STXBP4: variants seen among roughly 807,000 people sequenced by gnomAD.
STXBP4 encodes the protein syntaxin binding protein 4, also known as syntaxin-binding protein 4.
STXBP4 carries 55 observed loss-of-function variants against 76.1 expected under a neutral mutation model. The ratio of observed to expected loss-of-function variants is 0.72; its 90% CI spans 0.58 to 0.91. STXBP4 has a LOEUF of 0.91. STXBP4 is among the 40% of genes least tolerant of loss of function. The pLI is 0.00. For synonymous variants in STXBP4, 201 were observed against 220.2 expected (o/e 0.91, Z 0.77); for missense variants, 618 against 636.9 (o/e 0.97, Z 0.32).
At chr17:55,195,107 T>G in the STXBP4 span, among the ~76,000 whole-genome samples, 1 of 152,204 alleles carries the variant, frequency 6.6e-6, no homozygotes, top group Non-Finnish European at 1.5e-5. Context: ...CTAGGTCACC[T>G]TATGGGTCAA....
rs145078423 is a variant in STXBP4, at chr17:55,100,416, G to A, written c.1489+19233G>A. On this transcript the variant is annotated intron_variant, in intron 16 of 17. Transcript: ENST00000376352. The stretch of plus-strand genomic sequence containing the variant: ...CTTATAGCCTCAATAAGGAAAAAGC[G>A]TGAAAGTACTCAAGTAAATCAAGGG... 3.2e-3 allele frequency among the ~76,000 whole-genome samples: 493 copies of A among 152,306 alleles called. 5 individuals carry two copies. Among genetic ancestry groups the A allele is most frequent in the African/African-American group, 0.011 (442 of 41,562 alleles).
intron 8 of STXBP4, among the ~76,000 whole-genome samples, chr17:55,013,600 G>T (rs1203051850): frequency 6.6e-6 from 1 of 152,246 alleles, no homozygotes; most frequent in Admixed American, 6.5e-5. Flanking sequence ...TGTGAGCAGA[G>T]CTGAGCCTTC....
Position 54,999,444 on chromosome 17 carries a change from A to T in STXBP4, c.280A>T (p.Lys94Ter). ...AGCAAAAAGCATAATTACCGGAGCC[A>T]AGTTGAGGTAACTATACTATCCATG... ...EEAKSIITGAKLRLESAWEIA... is the reference protein window; with the variant it reads ...EEAKSIITGA The change falls in exon 5 of 18, where the codon AAG (lysine) becomes TAG (stop). Residue 94 changes from lysine (K) to a stop codon, truncating the protein, a stop_gained. Transcript: ENST00000376352. LOFTEE classifies it high-confidence loss of function. 6.2e-7 allele frequency: 1 copy of T among 1,609,738 alleles called. No homozygotes were observed.
At chr17:55,035,026 A>G (rs1409974928) in intron 10 of STXBP4, among the ~76,000 whole-genome samples, 1 of 151,990 alleles carries the variant, frequency 6.6e-6, no homozygotes, top group Non-Finnish European at 1.5e-5. Context: ...TTCATTATGC[A>G]TGGCAAACCA....
chr17:55,077,762 G>A (rs2079201643), intron 13 of STXBP4, among the ~76,000 whole-genome samples: 1 of 148,766 alleles, frequency 6.7e-6, no homozygotes, highest in Non-Finnish European at 1.5e-5. Flanking sequence ...TAAATTAGTA[G>A]AGGTTTCTGT....
At chr17:55,192,761 G>C in the STXBP4 span, among the ~76,000 whole-genome samples, 1 of 152,162 alleles carries the variant, frequency 6.6e-6, no homozygotes, top group Non-Finnish European at 1.5e-5. Flanking sequence ...AAATTCTCAG[G>C]CTTAGAGAGA....
intron 12 of STXBP4, among the ~76,000 whole-genome samples, chr17:55,055,574 G>A (rs1427818761): frequency 6.6e-6 from 1 of 152,148 alleles, no homozygotes; most frequent in Non-Finnish European, 1.5e-5. Context: ...ACTGCACTTA[G>A]AACTCTCCAG....
At chr17:55,086,194 T>A (rs1480328330) in intron 16 of STXBP4, among the ~76,000 whole-genome samples, 1 of 152,164 alleles carries the variant, frequency 6.6e-6, no homozygotes, top group Non-Finnish European at 1.5e-5. Flanking sequence ...CCAATGATAC[T>A]CAGTAATTTC....
At chr17:54,990,738 C>T in intron 3 of STXBP4, 87 bp from the exon 4 acceptor site, 1 of 1,460,186 alleles carries the variant, frequency 6.8e-7, no homozygotes. Flanking sequence ...CTCTAGATCT[C>T]AGATTTTGAT....
intron 16 of STXBP4, among the ~76,000 whole-genome samples, chr17:55,119,871 A>G (rs2079824714): frequency 6.6e-6 from 1 of 152,080 alleles, no homozygotes; most frequent in Middle Eastern, 3.2e-3. Flanking sequence ...AAACAAAAAA[A>G]TGAGTCTTTG....
chr17:55,011,240 T>A (rs1050919489), intron 8 of STXBP4, among the ~76,000 whole-genome samples: 8 of 151,938 alleles, frequency 5.3e-5, no homozygotes, highest in South Asian at 2.1e-4. Flanking sequence ...TTATTTTTTT[T>A]AATTTTTTTT....
chr17:54,998,108 TA>T lies in STXBP4; in HGVS notation c.181-1231del, dbSNP rs571310971. ...AAAGAGATAGTACTTCATGTCTTTT[TA>T]AAAAATAATAATACCTGTTGTTATT... On this transcript the variant is annotated intron_variant, in intron 4 of 17. Coordinates refer to ENST00000376352, the MANE Select transcript of STXBP4 (RefSeq NM_178509.6). Among the ~76,000 whole-genome samples, 267 of 152,252 alleles carry T rather than the reference TA, an allele frequency of 1.8e-3. 3 individuals carry two copies. The highest frequency in any genetic ancestry group is 1.8e-3 in the Non-Finnish European group (122 of 68,006).
At chr17:55,030,687 A>G (rs2078492128) in intron 8 of STXBP4, 1 of 152,518 alleles carries the variant, frequency 6.6e-6, no homozygotes, top group Non-Finnish European at 1.5e-5. Flanking sequence ...AGTGGCAGAG[A>G]AAGCTTTTTA....
intron 12 of STXBP4, among the ~76,000 whole-genome samples, chr17:55,066,955 T>G (rs2079059340): frequency 6.6e-6 from 1 of 152,230 alleles, no homozygotes; most frequent in African/African-American, 2.4e-5. Flanking sequence ...GATTGTTATT[T>G]TAATTGTTAA....
chr17:55,005,941 TA>T (rs1005393768), intron 7 of STXBP4, among the ~76,000 whole-genome samples: 3 of 152,088 alleles, frequency 2.0e-5, no homozygotes, highest in Admixed American at 6.6e-5. Flanking sequence ...TGTATGTATA[TA>T]AAAAAATTAT....
the STXBP4 span, among the ~76,000 whole-genome samples, chr17:55,189,285 C>T: frequency 6.6e-6 from 1 of 152,114 alleles, no homozygotes; most frequent in African/African-American, 2.4e-5. Context: ...AGTCTACATC[C>T]AGACAATAAT....
At chr17:55,189,585 A>C in the STXBP4 span, among the ~76,000 whole-genome samples, 13 of 152,196 alleles carry the variant, frequency 8.5e-5, no homozygotes, top group Non-Finnish European at 1.6e-4. Context: ...CGTGCCCCAG[A>C]TGGAAGGAGA....
At chr17:55,158,038 G>C (rs1165878540) in intron 17 of STXBP4, among the ~76,000 whole-genome samples, 1 of 152,134 alleles carries the variant, frequency 6.6e-6, no homozygotes, top group Non-Finnish European at 1.5e-5. Context: ...TTTGACTGTA[G>C]AATTATATTC....
intron 1 of STXBP4, among the ~76,000 whole-genome samples, chr17:54,979,609 A>G (rs962315809): frequency 6.6e-6 from 1 of 152,200 alleles, no homozygotes; most frequent in Non-Finnish European, 1.5e-5. Flanking sequence ...CACCCTGAAC[A>G]TGCCAGATCT....
Sources: allele counts gnomAD v4.1 joint callset (sites outside exome capture counted in the v4.1 genomes callset), GRCh38; gene constraint gnomAD v4.1.1; transcripts MANE v1.5; gene names NCBI Gene and HGNC (gene_info 2026-07-23, HGNC 2026-07-21).